The following DPYD variants were observed in gnomAD, a reference collection of about 807,000 sequenced individuals.
DPYD encodes dihydropyrimidine dehydrogenase.
In DPYD, 109 loss-of-function variants were observed where a neutral mutation model predicts 116.2. The ratio of observed to expected loss-of-function variants is 0.94; its 90% CI spans 0.80 to 1.10. DPYD has a LOEUF of 1.10. Ranked by LOEUF, DPYD falls within the 50% of genes least tolerant of loss-of-function variation. The pLI, the probability that DPYD is intolerant of heterozygous loss-of-function variation, is 0.00. For synonymous variants in DPYD, 440 were observed against 432.0 expected (o/e 1.02, Z -0.23); for missense variants, 1,302 against 1,254.5 (o/e 1.04, Z -0.57).
At chr1:97,401,214 C>T (rs1168654368) in intron 14 of DPYD, among the ~76,000 whole-genome samples, 13 of 151,996 alleles carry the variant, frequency 8.6e-5, no homozygotes, top group African/African-American at 1.2e-4. Context: ...TTTGGATAAC[C>T]GTACTTTCTC....
At chr1:97,315,887 G>T (rs907489488) in intron 16 of DPYD, among the ~76,000 whole-genome samples, 3 of 151,946 alleles carry the variant, frequency 2.0e-5, no homozygotes, top group Non-Finnish European at 4.4e-5. Flanking sequence ...CCTAGAAAAA[G>T]ACTGCTTTTA....
chr1:97,240,188 T>C (rs180865031), intron 18 of DPYD, among the ~76,000 whole-genome samples: 4 of 152,058 alleles, frequency 2.6e-5, no homozygotes, highest in East Asian at 1.9e-4. Flanking sequence ...TGAAGATTAC[T>C]TTGACCCCAA....
rs140185634 is a variant in DPYD, at chr1:97,421,506, C to T, written c.1905+28553G>A. On this transcript the variant is annotated intron_variant, in intron 14 of 22. Transcript: ENST00000370192. ...CTAGAAACTTTGGGTGTTTGAGAAA[C>T]GTAAGGATGGGTTTTTGGTCAGTTT... is the stretch of plus-strand genomic sequence containing the variant. Among the ~76,000 whole-genome samples, 504 of 151,842 alleles carry T rather than the reference C, an allele frequency of 3.3e-3. 1 individual carries two copies. The highest frequency in any genetic ancestry group is 0.012 in the African/African-American group (484 of 41,182).
chr1:97,757,308 G>A (rs1366954513), intron 3 of DPYD, among the ~76,000 whole-genome samples: 1 of 152,140 alleles, frequency 6.6e-6, no homozygotes, highest in Non-Finnish European at 1.5e-5. Context: ...AAGTCAAAAA[G>A]AAGCAGGAGT....
chr1:97,096,090 A>C (rs1356677935), intron 21 of DPYD: 2 of 152,196 alleles, frequency 1.3e-5, no homozygotes, highest in African/African-American at 2.4e-5. Flanking sequence ...AGAGGAACAT[A>C]AACTTGCACT....
chr1:97,272,144 T>C (rs1481771320), intron 18 of DPYD, among the ~76,000 whole-genome samples: 4 of 152,186 alleles, frequency 2.6e-5, no homozygotes, highest in African/African-American at 9.6e-5. Context: ...CACAGTCTTG[T>C]TTACTTTTTC....
chr1:97,557,568 G>A (rs1288109562), intron 11 of DPYD, among the ~76,000 whole-genome samples: 3 of 151,846 alleles, frequency 2.0e-5, no homozygotes, highest in South Asian at 4.2e-4. Context: ...TACCAGCCTC[G>A]GCCTCCCAAA....
chr1:97,377,840 G>C (rs1328018949), intron 15 of DPYD, among the ~76,000 whole-genome samples: 2 of 152,298 alleles, frequency 1.3e-5, no homozygotes, highest in Non-Finnish European at 2.9e-5. Context: ...AAGCGGAGCA[G>C]AGCCAGAAGG....
intron 13 of DPYD, among the ~76,000 whole-genome samples, chr1:97,507,838 A>T (rs115691769): frequency 2.0e-5 from 3 of 152,162 alleles, no homozygotes; most frequent in African/African-American, 7.2e-5. Context: ...GGGAGAACAG[A>T]CAACCTACAT....
At position 97,548,451 on chromosome 1, in the gene DPYD, T is replaced by G. The variant is rs555802653; in HGVS notation, c.1524+1109A>C. ...CTAAATTGTTTTCAAAAATTACAAC[T>G]GAAGGCTGGGCACGGTGGCTTATGT... On this transcript the variant is annotated intron_variant, in intron 12 of 22. Coordinates refer to ENST00000370192, the MANE Select transcript of DPYD (RefSeq NM_000110.4). Among the ~76,000 whole-genome samples, 17 of 152,206 alleles carry G rather than the reference T, an allele frequency of 1.1e-4. No homozygotes were observed. In the South Asian group the frequency reaches 3.5e-3, roughly 32 times the overall value.
intron 20 of DPYD, among the ~76,000 whole-genome samples, chr1:97,113,367 A>T (rs1482877974): frequency 6.6e-6 from 1 of 152,082 alleles, no homozygotes; most frequent in Non-Finnish European, 1.5e-5. Flanking sequence ...GAAAGGTAAG[A>T]AAAGGTAATA....
chr1:97,598,301 A>C (rs1025981899), intron 8 of DPYD, among the ~76,000 whole-genome samples: 1 of 152,230 alleles, frequency 6.6e-6, no homozygotes, highest in Non-Finnish European at 1.5e-5. Flanking sequence ...TAGGTGGCAT[A>C]TTAATAAATA....
intron 8 of DPYD, among the ~76,000 whole-genome samples, chr1:97,614,025 T>A (rs1656111385): frequency 6.6e-6 from 1 of 152,084 alleles, no homozygotes; most frequent in Non-Finnish European, 1.5e-5. Flanking sequence ...TTCAAGTAAC[T>A]GAAAAATTTT....
intron 16 of DPYD, among the ~76,000 whole-genome samples, chr1:97,348,436 G>A (rs1378982967): frequency 6.6e-6 from 1 of 152,158 alleles, no homozygotes; most frequent in Non-Finnish European, 1.5e-5. Context: ...TAACTACTTA[G>A]CTAAGTTATC....
At position 97,919,270 on chromosome 1, in the gene DPYD, ATAT is replaced by A. The variant is rs377750420; in HGVS notation, c.39+1611_39+1613del. 8.3e-4 allele frequency among the ~76,000 whole-genome samples: 127 copies of A among 152,312 alleles called. 4 individuals carry two copies. The South Asian group carries it at 0.025, about 30-fold the overall frequency. ...ACACCAGCAATCTAGATTAAAAGTA[ATAT>A]TAGGCAAACTGGCCATATAGACTAA... On this transcript the variant is annotated intron_variant, in intron 1 of 22. Transcript: ENST00000370192.
At chr1:97,369,019 A>T (rs1671181497) in intron 16 of DPYD, among the ~76,000 whole-genome samples, 1 of 152,198 alleles carries the variant, frequency 6.6e-6, no homozygotes, top group African/African-American at 2.4e-5. Flanking sequence ...TACTAGCCTG[A>T]ACTGGGTAAG....
intron 2 of DPYD, among the ~76,000 whole-genome samples, chr1:97,867,220 A>G (rs998491427): frequency 4.0e-5 from 6 of 151,712 alleles, no homozygotes; most frequent in African/African-American, 1.5e-4. Context: ...TGTCAGTCTG[A>G]TATTGGTATT....
At chr1:97,254,567 G>C (rs1198485071) in intron 18 of DPYD, among the ~76,000 whole-genome samples, 1 of 152,120 alleles carries the variant, frequency 6.6e-6, no homozygotes, top group Non-Finnish European at 1.5e-5. Context: ...GGTTACTCCA[G>C]AAACTATGGC....
chr1:97,620,286 C>T (rs11165902), intron 8 of DPYD, among the ~76,000 whole-genome samples: 3,438 of 152,238 alleles, frequency 0.023, 135 homozygotes, highest in African/African-American at 0.079. Context: ...GATCGTAGCA[C>T]ACACTATAAC....
Sources: gnomAD v4.1 joint callset for allele counts (sites outside exome capture counted in the v4.1 genomes callset) on GRCh38, gnomAD v4.1.1 for gene constraint, MANE v1.5 for transcripts, NCBI Gene and HGNC (gene_info 2026-07-23, HGNC 2026-07-21) for gene names.